TCF7: variants seen among roughly 807,000 people sequenced by gnomAD.
The protein encoded by TCF7 is transcription factor 7, also known as T-cell-factor-7.
A neutral mutation model predicts 46.8 loss-of-function variants in TCF7; 19 were observed. The observed-to-expected ratio is 0.41, with a 90% CI of 0.28 to 0.60. TCF7 has a LOEUF of 0.60. TCF7 is among the 20% of genes least tolerant of loss of function. TCF7 has a pLI of 0.35. For missense variants in TCF7, 547 were observed against 504.6 expected (o/e 1.08, Z -0.81); for synonymous variants, 245 against 213.4 (o/e 1.15, Z -1.29).
At chr5:134,139,070 G>T (rs750492374) in intron 5 of TCF7, 32 bp downstream of exon 5, 2 of 1,611,232 alleles carry the variant, frequency 1.2e-6, no homozygotes, top group Admixed American at 1.7e-5. Flanking sequence ...AAGGGGTACC[G>T]TGTGCTGGTC....
intron 3 of TCF7, among the ~76,000 whole-genome samples, chr5:134,123,983 CTTCCATT>C (rs1756978583): frequency 6.6e-6 from 1 of 152,056 alleles, no homozygotes; most frequent in African/African-American, 2.4e-5. Flanking sequence ...TTTTCCCATC[CTTCCATT>C]TGACCCTCAT....
At chr5:134,121,585 CAAA>C (rs372851057) in intron 3 of TCF7, among the ~76,000 whole-genome samples, 43 of 100,076 alleles carry the variant, frequency 4.3e-4, no homozygotes, top group African/African-American at 1.0e-3. Flanking sequence ...CCAGACTCCT[CAAA>C]AAAAAAAAAA....
the TCF7 span, among the ~76,000 whole-genome samples, chr5:134,108,617 G>A: frequency 6.6e-6 from 1 of 152,162 alleles, no homozygotes; most frequent in Non-Finnish European, 1.5e-5. Flanking sequence ...CAAGGCAGTG[G>A]GTCATATACT....
chr5:134,114,417 C>G (rs1378067348), upstream of TCF7, among the ~76,000 whole-genome samples: 2 of 152,154 alleles, frequency 1.3e-5, no homozygotes, highest in African/African-American at 2.4e-5. Flanking sequence ...GAGGAGAAAC[C>G]TGGGCGCAGA....
At chr5:134,137,425 C>CA (rs752883165) in intron 3 of TCF7, among the ~76,000 whole-genome samples, 4,953 of 55,692 alleles carry the variant, frequency 0.089, 219 homozygotes, top group African/African-American at 0.13. Context: ...GACTCTGTCT[C>CA]AAAAAAAAAA....
chr5:134,136,713 A>C (rs1193911172), intron 3 of TCF7, among the ~76,000 whole-genome samples: 2 of 152,132 alleles, frequency 1.3e-5, no homozygotes, highest in Non-Finnish European at 2.9e-5. Flanking sequence ...AGGCCTGGTA[A>C]TAAAGGGGCC....
intron 4 of TCF7, 93 bp downstream of exon 4, chr5:134,138,257 A>G: frequency 1.7e-6 from 2 of 1,153,176 alleles, no homozygotes; most frequent in Non-Finnish European, 2.5e-6. Flanking sequence ...TCCATTTTAT[A>G]ACTGGAGAAC....
intron 2 of TCF7, 150 bp downstream of exon 2, chr5:134,115,537 C>T: frequency 6.9e-7 from 1 of 1,442,504 alleles, no homozygotes; most frequent in Non-Finnish European, 9.1e-7. Context: ...GGGGGGCGGG[C>T]TTCCCGGGCG....
intron 3 of TCF7, among the ~76,000 whole-genome samples, chr5:134,122,099 G>A (rs1304085818): frequency 6.6e-6 from 1 of 152,166 alleles, no homozygotes; most frequent in Non-Finnish European, 1.5e-5. Flanking sequence ...CTGCTTCCAA[G>A]GTGGGACTTT....
chr5:134,147,159 CAG>C lies in TCF7; in HGVS notation c.*858_*859del, dbSNP rs1482909936. 6.6e-6 allele frequency: 1 copy of C among 152,372 alleles called. No individual in the cohort carries two copies. Among genetic ancestry groups the C allele is most frequent in the African/African-American group, 2.4e-5 (1 of 41,464 alleles). The allele number at this position is 152,372 out of a possible 1,614,324, so 9.4% of individuals were successfully genotyped here. ...AGTTTAGGCCTATCAACCTAAGCAA[CAG>C]AAATAATCTGACACTACCTTATCAG... On this transcript the variant is annotated 3_prime_UTR_variant, in exon 10 of 10. Transcript: ENST00000342854.
At position 134,142,823 on chromosome 5, in the gene TCF7, G is replaced by C. The variant is rs1760050912; in HGVS notation, c.858G>C (p.Lys286Asn). 2 of 1,614,202 alleles carry C rather than the reference G, an allele frequency of 1.2e-6. No individual in the cohort carries two copies. Among genetic ancestry groups the C allele is most frequent in the Middle Eastern group, 1.6e-4 (1 of 6,062 alleles). The change falls in exon 7 of 10, where the codon AAG becomes AAC. Residue 286 changes from lysine to asparagine, a missense_variant. This residue lies in a region of TCF7 where 32 missense variants were observed against 65.9 expected (regional missense o/e 0.49). Transcript: ENST00000342854. ...TGTACATGAAGGAGATGAGAGCCAA[G>C]GTCATTGCAGAGTGCACACTTAAGG... ...FMLYMKEMRA[K>N]VIAECTLKES...
At chr5:134,130,656 G>A (rs933516912) in intron 3 of TCF7, among the ~76,000 whole-genome samples, 4 of 152,174 alleles carry the variant, frequency 2.6e-5, no homozygotes, top group African/African-American at 9.7e-5. Flanking sequence ...GGGGGTAGGA[G>A]GAGGCCAAAG....
upstream of TCF7, among the ~76,000 whole-genome samples, chr5:134,114,377 G>A (rs1580781229): frequency 6.6e-6 from 1 of 152,260 alleles, no homozygotes; most frequent in African/African-American, 2.4e-5. Context: ...AAGTCCCAAG[G>A]GCCTAGGGGA....
intron 3 of TCF7, among the ~76,000 whole-genome samples, chr5:134,136,065 G>A (rs62379392): frequency 1.4e-3 from 215 of 152,302 alleles, no homozygotes; most frequent in Middle Eastern, 3.4e-3. Context: ...GTCTGGCTGG[G>A]TTGAAGGGAG....
At chr5:134,122,367 A>C (rs934575270) in intron 3 of TCF7, among the ~76,000 whole-genome samples, 2 of 144,342 alleles carry the variant, frequency 1.4e-5, no homozygotes, top group Non-Finnish European at 3.0e-5. Flanking sequence ...GAGACCTGGG[A>C]TCCTTCCCCC....
intron 3 of TCF7, among the ~76,000 whole-genome samples, chr5:134,135,305 G>C (rs1758708531): frequency 6.6e-6 from 1 of 152,094 alleles, no homozygotes; most frequent in Non-Finnish European, 1.5e-5. Context: ...ACCGTGGGAA[G>C]CCACTGGAAG....
intron 3 of TCF7, among the ~76,000 whole-genome samples, chr5:134,132,708 T>C (rs1179212912): frequency 7.0e-6 from 1 of 142,970 alleles, no homozygotes; most frequent in Admixed American, 6.9e-5. Context: ...CGACTGTGTT[T>C]ATTTTTCACC....
At chr5:134,122,966 G>C (rs1002620578) in intron 3 of TCF7, among the ~76,000 whole-genome samples, 2 of 152,222 alleles carry the variant, frequency 1.3e-5, no homozygotes, top group African/African-American at 2.4e-5. Flanking sequence ...CACTGTATCT[G>C]CCATTCTTTG....
Position 134,115,405 on chromosome 5 carries a change from C to T in TCF7, c.316+18C>T. The T allele has an allele frequency of 1.4e-5, 23 of 1,590,498 alleles. No homozygotes were observed. The highest frequency in any genetic ancestry group is 2.0e-5 in the Non-Finnish European group (23 of 1,169,168). ...GGAGGACGGTGAGTTTCTGCCCGGCCCGGCTTCCCTTCGTCGCGCTCAGGC... is the reference window on the plus strand; with the variant it reads ...GGAGGACGGTGAGTTTCTGCCCGGCTCGGCTTCCCTTCGTCGCGCTCAGGC... On this transcript the variant is annotated intron_variant, in intron 2 of 9. Coordinates refer to ENST00000342854, the MANE Select transcript of TCF7 (RefSeq NM_003202.5).
Sources: gnomAD v4.1 joint callset for allele counts (sites outside exome capture counted in the v4.1 genomes callset) on GRCh38, gnomAD v4.1.1 for gene constraint, gnomAD v4.1.1 regional missense constraint, MANE v1.5 for transcripts, NCBI Gene and HGNC (gene_info 2026-07-23, HGNC 2026-07-21) for gene names.